Variants in DOCK10 observed in about 807,000 individuals in gnomAD.
DOCK10 encodes dedicator of cytokinesis 10, also known as dedicator of cytokinesis protein 10.
Under a neutral mutation model 280.1 loss-of-function variants are expected in DOCK10, and 145 were observed. The ratio of observed to expected loss-of-function variants is 0.52; its 90% CI spans 0.45 to 0.59. The LOEUF is 0.59. Ranked by LOEUF, DOCK10 falls within the 20% of genes least tolerant of loss-of-function variation. The pLI, the probability that DOCK10 is intolerant of heterozygous loss-of-function variation, is 0.00. For missense variants in DOCK10, 2,368 were observed against 2,651.7 expected (o/e 0.89, Z 2.35); for synonymous variants, 915 against 942.2 (o/e 0.97, Z 0.53).
chr2:224,964,429 T>C (rs1222837774), intron 1 of DOCK10, among the ~76,000 whole-genome samples: 2 of 152,166 alleles, frequency 1.3e-5, no homozygotes, highest in Non-Finnish European at 2.9e-5. Flanking sequence ...AATAAAATAA[T>C]GATTTTTCTA....
chr2:224,886,710 A>G (rs1007638106), intron 4 of DOCK10, among the ~76,000 whole-genome samples, 179 bp from the exon 5 acceptor site: 42 of 152,260 alleles, frequency 2.8e-4, no homozygotes, highest in Middle Eastern at 3.4e-3. Context: ...CTGCCATGAT[A>G]TCTTATCTCC....
Position 224,845,634 on chromosome 2 carries a change from A to T in DOCK10, c.2244T>A (p.Ile748=). Residue 748 remains isoleucine, a synonymous_variant, in exon 20 of 56, where the codon ATT becomes ATA. Coordinates refer to ENST00000258390, the MANE Select transcript of DOCK10 (RefSeq NM_014689.3). Reference sequence around the variant, plus strand: ...TCTCATGGAGTTGTGTTGGTAGCTCAATTTTCACCTGCAACGAAAGAAACC... The same window carrying T: ...TCTCATGGAGTTGTGTTGGTAGCTCTATTTTCACCTGCAACGAAAGAAACC... The part of the protein sequence containing the change: ...QNPDFSDEVK[I]ELPTQLHEKH... 1 of 1,609,370 alleles carries T rather than the reference A, an allele frequency of 6.2e-7. No individual in the cohort carries two copies. Among genetic ancestry groups the T allele is most frequent in the East Asian group, 2.2e-5 (1 of 44,868 alleles).
At chr2:224,828,062 C>G (rs1694984742) in intron 27 of DOCK10, among the ~76,000 whole-genome samples, 1 of 152,200 alleles carries the variant, frequency 6.6e-6, no homozygotes. Context: ...AGAAATCAGG[C>G]AAACCCTTGA....
chr2:224,791,873 G>A (rs1692219803), intron 47 of DOCK10, among the ~76,000 whole-genome samples: 1 of 152,140 alleles, frequency 6.6e-6, no homozygotes, highest in Non-Finnish European at 1.5e-5. Context: ...AATATAGCAA[G>A]TAAAGTCCAT....
At chr2:224,986,925 T>A (rs1206283555) in intron 1 of DOCK10, among the ~76,000 whole-genome samples, 2 of 152,176 alleles carry the variant, frequency 1.3e-5, no homozygotes. Flanking sequence ...GAAAGGCTCT[T>A]AATTCCCCCA....
At chr2:224,892,779 G>A (rs574709285) in intron 4 of DOCK10, among the ~76,000 whole-genome samples, 2 of 152,348 alleles carry the variant, frequency 1.3e-5, no homozygotes, top group South Asian at 4.1e-4. Context: ...GATCATTGCT[G>A]AGGCTTGAGG....
At chr2:224,939,970 T>C (rs965431406) in intron 1 of DOCK10, among the ~76,000 whole-genome samples, 1 of 152,182 alleles carries the variant, frequency 6.6e-6, no homozygotes, top group Non-Finnish European at 1.5e-5. Flanking sequence ...AGTACTAGCA[T>C]TTTAATTTCC....
chr2:224,824,598 T>C (rs531954907), intron 27 of DOCK10, among the ~76,000 whole-genome samples: 1 of 151,934 alleles, frequency 6.6e-6, no homozygotes, highest in Admixed American at 6.6e-5. Context: ...CTGTAGTCCA[T>C]ACCCAGCTAA....
rs142849851 is a variant in DOCK10 at position 224,923,529 on chromosome 2, C to G, written c.244-6745G>C. ...CTCCCCCTGGCAAAGACTCTGAGGTCTGTGGTCTGAGTTTACCATCCAAGA... is the reference window on the plus strand; with the variant it reads ...CTCCCCCTGGCAAAGACTCTGAGGTGTGTGGTCTGAGTTTACCATCCAAGA... On this transcript the variant is annotated intron_variant, in intron 2 of 55. Transcript: ENST00000258390. Among the ~76,000 whole-genome samples the G allele has an allele frequency of 1.4e-4, 22 of 152,328 alleles. No homozygotes were observed. In the East Asian group the frequency reaches 4.2e-3, roughly 29 times the overall value.
At chr2:224,916,655 C>A in intron 3 of DOCK10, 40 bp downstream of exon 3, 1 of 1,454,654 alleles carries the variant, frequency 6.9e-7, no homozygotes, top group South Asian at 1.3e-5. Flanking sequence ...TGGGAAAAAG[C>A]AAAAGCCTTA....
At chr2:224,892,397 C>CAAAAAAAAAAA (rs1174651393) in intron 4 of DOCK10, among the ~76,000 whole-genome samples, 9 of 52,242 alleles carry the variant, frequency 1.7e-4, no homozygotes, top group Non-Finnish European at 2.3e-4. Context: ...GACCCTGTCT[C>CAAAAAAAAAAA]AAAAAAAAAA....
At chr2:224,809,983 C>A (rs1693651027) in intron 31 of DOCK10, among the ~76,000 whole-genome samples, 2 of 99,232 alleles carry the variant, frequency 2.0e-5, no homozygotes. Flanking sequence ...GAGTATTATT[C>A]AGCCTCAAAA....
In DOCK10 at chr2:224,865,009, G is replaced by T; in HGVS notation, c.1336C>A (p.Leu446Ile). 6.2e-7 allele frequency: 1 copy of T among 1,613,960 alleles called. No individual in the cohort carries two copies. The highest frequency in any genetic ancestry group is 8.5e-7 in the Non-Finnish European group (1 of 1,179,880). ...RKISADFHVDLNHAAVRQMLL... is the reference protein window; with the variant it reads ...RKISADFHVDINHAAVRQMLL... ...ATCTGTCTGACAGCAGCATGGTTTA[G>T]ATCCACATGAAAATCAGCAGAAATC... Residue 446 changes from leucine (L) to isoleucine (I), a missense_variant, in exon 12 of 56, where the codon CTA becomes ATA. Around this residue, in one of 2 missense-constraint regions of DOCK10, gnomAD observed 1,209 missense variants for 1,250.9 expected, o/e 0.97. Coordinates refer to ENST00000258390, the MANE Select transcript of DOCK10 (RefSeq NM_014689.3).
chr2:224,920,481 G>C (rs1362462656), intron 2 of DOCK10, among the ~76,000 whole-genome samples: 1 of 151,794 alleles, frequency 6.6e-6, no homozygotes, highest in African/African-American at 2.4e-5. Context: ...TTGAAGTTTT[G>C]GAGTAGAATA....
At chr2:225,027,512 G>T (rs542323885) in intron 1 of DOCK10, among the ~76,000 whole-genome samples, 6 of 152,250 alleles carry the variant, frequency 3.9e-5, no homozygotes, top group Admixed American at 2.0e-4. Context: ...TGCATCATGG[G>T]ATCGGTTTCT....
At chr2:224,799,275 G>A (rs1257188765) in intron 41 of DOCK10, among the ~76,000 whole-genome samples, 2 of 151,986 alleles carry the variant, frequency 1.3e-5, no homozygotes, top group South Asian at 2.1e-4. Flanking sequence ...TGAGTAATAC[G>A]GTATATACTC....
rs759268448 is a variant in DOCK10 at position 224,959,991 on chromosome 2, T to A, written c.124-28323A>T. Among the ~76,000 whole-genome samples the A allele has an allele frequency of 1.6e-4, 24 of 152,284 alleles. 1 individual carries two copies. The highest frequency in any genetic ancestry group is 6.8e-3 in the Middle Eastern group (2 of 294). On this transcript the variant is annotated intron_variant, in intron 1 of 55. Coordinates refer to ENST00000258390, the MANE Select transcript of DOCK10 (RefSeq NM_014689.3). ...TGGAAATTGTACCTTGATTTTCCTATGGGGAACACCTCCTCTATCCCCTCA... is the reference window on the plus strand; with the variant it reads ...TGGAAATTGTACCTTGATTTTCCTAAGGGGAACACCTCCTCTATCCCCTCA...
chr2:224,927,323 A>AGGCAATGGGAAGCCACTG (rs1253548172), intron 2 of DOCK10, among the ~76,000 whole-genome samples: 4 of 152,218 alleles, frequency 2.6e-5, no homozygotes, highest in Admixed American at 6.5e-5. Flanking sequence ...TTGACTCTTA[A>AGGCAATGGGAAGCCACTG]GGCAATGGGA....
At position 224,773,269 on chromosome 2, in the gene DOCK10, A is replaced by C. The variant is rs1328382609; in HGVS notation, c.6092T>G (p.Val2031Gly). Reference protein sequence around the residue: ...QSSTELNPIEVAIDEMSKKVS... With the variant: ...QSSTELNPIEGAIDEMSKKVS... ...CTTCTTGGACATCTCGTCAATTGCC[A>C]CTTCAATTGGATTCAGTTCTGTGCT... Residue 2031 changes from valine (V) to glycine (G), a missense_variant, in exon 53 of 56, where the codon GTG becomes GGG. Coordinates refer to ENST00000258390, the MANE Select transcript of DOCK10 (RefSeq NM_014689.3). 1 of 1,613,944 alleles carries C rather than the reference A, an allele frequency of 6.2e-7. No homozygotes were observed. The highest frequency in any genetic ancestry group is 8.5e-7 in the Non-Finnish European group (1 of 1,179,848).
Sources: allele counts gnomAD v4.1 joint callset (sites outside exome capture counted in the v4.1 genomes callset), GRCh38; gene constraint gnomAD v4.1.1; regional missense constraint gnomAD v4.1.1; transcripts MANE v1.5; gene names NCBI Gene and HGNC (gene_info 2026-07-23, HGNC 2026-07-21).